Variants in ZFHX3 observed in about 807,000 individuals in gnomAD.
ZFHX3 encodes the protein zinc finger homeobox protein 3.
A neutral mutation model predicts 279.1 loss-of-function variants in ZFHX3; 42 were observed. The observed-to-expected ratio is 0.15, with a 90% CI of 0.12 to 0.19. ZFHX3 has a LOEUF of 0.19. ZFHX3 is among the 10% of genes least tolerant of loss of function. ZFHX3 has a pLI of 1.00. For synonymous variants in ZFHX3, 2,293 were observed against 1,957.8 expected (o/e 1.17, Z -4.52); for missense variants, 4,981 against 4,754.0 (o/e 1.05, Z -1.40).
At chr16:73,490,345 C>T (rs1321457824) in intron 2 of ZFHX3, among the ~76,000 whole-genome samples, 2 of 152,172 alleles carry the variant, frequency 1.3e-5, no homozygotes, top group African/African-American at 4.8e-5. Flanking sequence ...AACTTTTGCC[C>T]AATTCCCATT....
chr16:73,137,614 C>G (rs1012121684), intron 6 of ZFHX3: 1 of 151,862 alleles, frequency 6.6e-6, no homozygotes, highest in African/African-American at 2.4e-5. Context: ...CTTTTAGGTG[C>G]CCAGTGACCT....
At chr16:73,444,016 C>T (rs2018139806) in intron 3 of ZFHX3, among the ~76,000 whole-genome samples, 1 of 152,220 alleles carries the variant, frequency 6.6e-6, no homozygotes, top group Non-Finnish European at 1.5e-5. Context: ...CCACCTTGGC[C>T]TCCCAAAGTG....
chr16:73,309,389 T>C (rs1390804199), intron 4 of ZFHX3, among the ~76,000 whole-genome samples: 1 of 152,224 alleles, frequency 6.6e-6, no homozygotes, highest in Non-Finnish European at 1.5e-5. Context: ...TCCATTGATG[T>C]TCCTGCAAAG....
chr16:73,060,328 G>A (rs1314139899), upstream of ZFHX3: 1 of 151,848 alleles, frequency 6.6e-6, no homozygotes, highest in Admixed American at 6.6e-5. Context: ...ATAAAGACTA[G>A]GAGCGGTACA....
At chr16:73,593,374 A>G (rs1352100054) in intron 2 of ZFHX3, among the ~76,000 whole-genome samples, 4 of 152,316 alleles carry the variant, frequency 2.6e-5, no homozygotes, top group Non-Finnish European at 5.9e-5. Context: ...TTCTAACTCA[A>G]GGATGAGCAA....
chr16:73,343,260 TAA>T (rs1468301815), intron 3 of ZFHX3, among the ~76,000 whole-genome samples: 1 of 151,832 alleles, frequency 6.6e-6, no homozygotes, highest in Non-Finnish European at 1.5e-5. Context: ...TTCTGTCCAT[TAA>T]AAGAGTCTTG....
chr16:73,534,297 G>T (rs893594167), intron 2 of ZFHX3, among the ~76,000 whole-genome samples: 1 of 152,008 alleles, frequency 6.6e-6, no homozygotes, highest in Non-Finnish European at 1.5e-5. Context: ...ATCCACAAAG[G>T]CAATGCTTTC....
At chr16:72,939,588 C>T (rs754359841) in intron 3 of ZFHX3, among the ~76,000 whole-genome samples, 2 of 152,150 alleles carry the variant, frequency 1.3e-5, no homozygotes, top group East Asian at 1.9e-4. Context: ...CTCATTGTCC[C>T]GAAGGCCCAT....
At chr16:73,425,493 C>T (rs1317097794) in intron 3 of ZFHX3, among the ~76,000 whole-genome samples, 1 of 152,130 alleles carries the variant, frequency 6.6e-6, no homozygotes, top group Non-Finnish European at 1.5e-5. Flanking sequence ...GATCCAAGCG[C>T]TAAAGTGATT....
chr16:73,668,130 G>T (rs2052864206), intron 2 of ZFHX3, among the ~76,000 whole-genome samples: 1 of 152,092 alleles, frequency 6.6e-6, no homozygotes, highest in Non-Finnish European at 1.5e-5. Flanking sequence ...AGCCAGTGCA[G>T]ATCTATGTGT....
chr16:73,689,408 A>T (rs1871690), intron 1 of ZFHX3, among the ~76,000 whole-genome samples: 146,009 of 152,294 alleles, frequency 0.96, 70,011 homozygotes, highest in East Asian at 1. Context: ...AGCTATGTGC[A>T]CAAAGTAAAG....
At chr16:72,963,199 T>C (rs1285116213) in intron 1 of ZFHX3, among the ~76,000 whole-genome samples, 2 of 152,036 alleles carry the variant, frequency 1.3e-5, no homozygotes, top group Non-Finnish European at 2.9e-5. Context: ...CTCTTCAGGC[T>C]CCCTCCACGT....
intron 2 of ZFHX3, among the ~76,000 whole-genome samples, chr16:73,546,697 G>A: frequency 1.1e-5 from 1 of 92,124 alleles, no homozygotes; most frequent in African/African-American, 1.2e-4. Flanking sequence ...TGCTGCTGCT[G>A]CTGCTGCTGC....
At chr16:73,824,393 TTTTAA>T in intron 1 of ZFHX3, among the ~76,000 whole-genome samples, 1 of 148,818 alleles carries the variant, frequency 6.7e-6, no homozygotes, top group African/African-American at 2.6e-5. Context: ...TTTTTTTTTT[TTTTAA>T]TGTTTTTTTT....
chr16:73,056,555 G>GA (rs985290455), intron 1 of ZFHX3, among the ~76,000 whole-genome samples: 34 of 148,966 alleles, frequency 2.3e-4, no homozygotes, highest in South Asian at 2.0e-3. Context: ...AACAGATTTG[G>GA]AAAAAAAAAC....
intron 3 of ZFHX3, among the ~76,000 whole-genome samples, chr16:73,319,859 C>A (rs946517699): frequency 2.6e-5 from 4 of 152,166 alleles, no homozygotes; most frequent in African/African-American, 9.7e-5. Flanking sequence ...GAGAAAGGTC[C>A]AGTCCTCAGA....
At chr16:73,625,307 C>T (rs747431860) in intron 2 of ZFHX3, among the ~76,000 whole-genome samples, 49 of 152,192 alleles carry the variant, frequency 3.2e-4, no homozygotes, top group Non-Finnish European at 1.2e-4. Flanking sequence ...GCCACTTCAC[C>T]AATGGGAAGG....
intron 3 of ZFHX3, among the ~76,000 whole-genome samples, chr16:72,893,020 C>G (rs901474223): frequency 3.9e-5 from 6 of 152,126 alleles, no homozygotes; most frequent in South Asian, 2.1e-4. Context: ...ACTCAGAAGC[C>G]AGAAACAGGA....
intron 5 of ZFHX3, among the ~76,000 whole-genome samples, chr16:73,223,020 A>G (rs2012475422): frequency 6.6e-6 from 1 of 152,172 alleles, no homozygotes; most frequent in Non-Finnish European, 1.5e-5. Context: ...TCCAATATAA[A>G]AAAATGAATC....
Sources: gnomAD v4.1 joint callset for allele counts (sites outside exome capture counted in the v4.1 genomes callset) on GRCh38, gnomAD v4.1.1 for gene constraint, MANE v1.5 for transcripts, NCBI Gene and HGNC (gene_info 2026-07-23, HGNC 2026-07-21) for gene names.